DEPTOR: variants seen among roughly 807,000 people sequenced by gnomAD.
The protein encoded by DEPTOR is DEP domain containing MTOR interacting protein.
In DEPTOR, 41 loss-of-function variants were observed where a neutral mutation model predicts 41.6. The ratio of observed to expected loss-of-function variants is 0.98; its 90% CI spans 0.77 to 1.28. The LOEUF (loss-of-function observed/expected upper bound fraction) is 1.28, where lower values mean the gene tolerates loss of function less well. Ranked by LOEUF, DEPTOR falls within the 50% of genes most tolerant of loss-of-function variation. DEPTOR has a pLI of 0.00. For missense variants in DEPTOR, 514 were observed against 527.9 expected, an observed-to-expected ratio of 0.97 and a Z score of 0.26; for synonymous variants, 195 against 192.3, an observed-to-expected ratio of 1.01 and a Z score of -0.12.
chr8:120,020,171 T>G (rs1812677672), intron 8 of DEPTOR, among the ~76,000 whole-genome samples: 2 of 152,186 alleles, frequency 1.3e-5, no homozygotes, highest in Non-Finnish European at 2.9e-5. Context: ...CACTGCAACC[T>G]CTGCCTGCTG....
intron 1 of DEPTOR, among the ~76,000 whole-genome samples, chr8:119,878,517 C>T (rs936314295): frequency 1.3e-5 from 2 of 151,172 alleles, no homozygotes; most frequent in African/African-American, 4.9e-5. Flanking sequence ...TTAGTAGAGA[C>T]AGCGTTTCAC....
At chr8:119,985,526 A>C (rs4871030) in intron 4 of DEPTOR, among the ~76,000 whole-genome samples, 110,145 of 151,972 alleles carry the variant, frequency 0.72, 40,007 homozygotes, top group Middle Eastern at 0.8. Context: ...ATGATAGTTT[A>C]TTTTGCTGTG....
chr8:119,874,828 T>C lies in DEPTOR; in HGVS notation c.122+860T>C, dbSNP rs534278162. ...TTGGGAATAGTACTTATGGTCTAAC[T>C]GGTTCTGCAGCTGCCCTTCGTGTGG... On this transcript the variant is annotated intron_variant, in intron 1 of 8. Transcript: ENST00000286234. Among the ~76,000 whole-genome samples the C allele has an allele frequency of 5.8e-4, 89 of 152,322 alleles. No individual in the cohort carries two copies. In the Middle Eastern group the frequency reaches 0.01, roughly 18 times the overall value.
At chr8:120,007,382 G>A (rs980424238) in intron 7 of DEPTOR, among the ~76,000 whole-genome samples, 11 of 152,090 alleles carry the variant, frequency 7.2e-5, no homozygotes, top group African/African-American at 2.2e-4. Flanking sequence ...TTCTACCGTA[G>A]GCAGGGTGCT....
Position 119,965,460 on chromosome 8 carries a change from A to C in DEPTOR, c.604+50A>C, listed in dbSNP as rs202050086. On this transcript the variant is annotated intron_variant, in intron 4 of 8. Coordinates refer to ENST00000286234, the MANE Select transcript of DEPTOR (RefSeq NM_022783.4). Reference sequence around the variant, plus strand: ...TGCAGGAACAAACAGCCAGCCCCAAATCTTGTGTCTTACAACAACACGTAC... The same window carrying C: ...TGCAGGAACAAACAGCCAGCCCCAACTCTTGTGTCTTACAACAACACGTAC... 353 of 1,588,186 alleles carry C rather than the reference A, an allele frequency of 2.2e-4. 1 individual carries two copies. In the South Asian group the frequency reaches 2.6e-3, roughly 12 times the overall value.
At chr8:119,890,187 T>G (rs1827433890) in intron 1 of DEPTOR, among the ~76,000 whole-genome samples, 2 of 152,204 alleles carry the variant, frequency 1.3e-5, no homozygotes, top group South Asian at 4.1e-4. Context: ...ACTCCTGACC[T>G]GAAGTGATCC....
At chr8:120,001,408 TG>T in intron 4 of DEPTOR, 116 bp from the exon 5 acceptor site, 1 of 712,088 alleles carries the variant, frequency 1.4e-6, no homozygotes, top group Non-Finnish European at 2.0e-6. Context: ...GTGGCATCTG[TG>T]GAAGAGAAGT....
At chr8:120,002,433 C>T (rs527267869) in intron 5 of DEPTOR, among the ~76,000 whole-genome samples, 13 of 152,094 alleles carry the variant, frequency 8.5e-5, no homozygotes, top group African/African-American at 1.4e-4. Flanking sequence ...CCACTGCGCC[C>T]GGCCTTACAA....
At position 119,968,436 on chromosome 8, in the gene DEPTOR, C is replaced by T. The variant is rs150244641; in HGVS notation, c.604+3026C>T. On this transcript the variant is annotated intron_variant, in intron 4 of 8. Transcript: ENST00000286234. ...TCAAGGGATTCTCCTGCCTCAGCCT[C>T]CCGAGTAGCTGTGCACCACCACACT... is the stretch of plus-strand genomic sequence containing the variant. 4.6e-3 allele frequency among the ~76,000 whole-genome samples: 695 copies of T among 152,016 alleles called. 4 individuals carry two copies. The highest frequency in any genetic ancestry group is 0.016 in the African/African-American group (678 of 41,486).
rs753189751 is a variant in DEPTOR, at chr8:119,873,870, C to T, written c.24C>T (p.Gly8=). The T allele has an allele frequency of 1.3e-5, 21 of 1,613,292 alleles. No homozygotes were observed. Among genetic ancestry groups the T allele is most frequent in the Admixed American group, 1.0e-4 (6 of 59,994 alleles). MEEGGST[G]SAGSDSSTSG... Reference sequence around the variant, plus strand: ...CCATGGAGGAGGGCGGCAGCACTGGCAGTGCTGGCAGTGACAGCAGCACCA... The same window carrying T: ...CCATGGAGGAGGGCGGCAGCACTGGTAGTGCTGGCAGTGACAGCAGCACCA... The change falls in exon 1 of 9, where the codon GGC becomes GGT. Residue 8 remains glycine, a synonymous_variant. Transcript: ENST00000286234.
intron 3 of DEPTOR, among the ~76,000 whole-genome samples, chr8:119,957,807 T>C (rs891713783): frequency 3.3e-5 from 5 of 152,186 alleles, no homozygotes; most frequent in African/African-American, 1.2e-4. Flanking sequence ...CAGGATGGTC[T>C]TGAACTCCTG....
rs540059828 is a variant in DEPTOR at position 119,910,088 on chromosome 8, G to A, written c.123-18312G>A. ...GGAGATCCAGATAGAGGTGTATGTA[G>A]ATATATGAAATTTTATCTACCAAAG... On this transcript the variant is annotated intron_variant, in intron 1 of 8. Transcript: ENST00000286234. Among the ~76,000 whole-genome samples, 281 of 152,308 alleles carry A rather than the reference G, an allele frequency of 1.8e-3. 1 individual carries two copies. Among genetic ancestry groups the A allele is most frequent in the African/African-American group, 6.2e-3 (258 of 41,560 alleles).
At chr8:120,047,366 T>G (rs1338929042) in intron 8 of DEPTOR, among the ~76,000 whole-genome samples, 1 of 151,798 alleles carries the variant, frequency 6.6e-6, no homozygotes, top group Non-Finnish European at 1.5e-5. Flanking sequence ...TTTTATTTTA[T>G]TTTTTACTTT....
rs140338468 is a variant in DEPTOR, at chr8:119,890,423, C to T, written c.122+16455C>T. On this transcript the variant is annotated intron_variant, in intron 1 of 8. Coordinates refer to ENST00000286234, the MANE Select transcript of DEPTOR (RefSeq NM_022783.4). ...GTTCAAGTGATTCTCCTGACTCAGC[C>T]TCCCAAGTAGCTGGGATTACATGCG... 4.6e-3 allele frequency among the ~76,000 whole-genome samples: 706 copies of T among 152,200 alleles called. 5 individuals carry two copies. Among genetic ancestry groups the T allele is most frequent in the African/African-American group, 0.016 (669 of 41,534 alleles).
chr8:119,890,949 A>G (rs918414171), intron 1 of DEPTOR, among the ~76,000 whole-genome samples: 1 of 152,196 alleles, frequency 6.6e-6, no homozygotes, highest in Non-Finnish European at 1.5e-5. Context: ...GAAAAGACAT[A>G]TGCATTTAGG....
At chr8:119,911,913 C>T (rs545160210) in intron 1 of DEPTOR, among the ~76,000 whole-genome samples, 2 of 152,206 alleles carry the variant, frequency 1.3e-5, no homozygotes, top group South Asian at 2.1e-4. Context: ...TTTATACTCA[C>T]GAAGTGTCAT....
At chr8:119,973,066 A>C (rs937080572) in intron 4 of DEPTOR, among the ~76,000 whole-genome samples, 6 of 151,506 alleles carry the variant, frequency 4.0e-5, no homozygotes, top group African/African-American at 1.2e-4. Flanking sequence ...CAGCCTCCTG[A>C]GTAGCTGGGA....
chr8:119,905,935 A>C (rs1563962124), intron 1 of DEPTOR, among the ~76,000 whole-genome samples: 2 of 152,048 alleles, frequency 1.3e-5, no homozygotes, highest in South Asian at 4.1e-4. Context: ...AAGCCACTGC[A>C]CTTGGCCAAT....
intron 8 of DEPTOR, among the ~76,000 whole-genome samples, chr8:120,039,999 A>G (rs139825981): frequency 0.013 from 1,922 of 151,984 alleles, 44 homozygotes; most frequent in African/African-American, 0.044. Context: ...ACATGCCACC[A>G]CGCCTGGCTA....
Sources: allele counts gnomAD v4.1 joint callset (sites outside exome capture counted in the v4.1 genomes callset), GRCh38; gene constraint gnomAD v4.1.1; transcripts MANE v1.5; gene names NCBI Gene and HGNC (gene_info 2026-07-23, HGNC 2026-07-21).